LRFN2: variants seen among roughly 807,000 people sequenced by gnomAD.
The protein encoded by LRFN2 is leucine rich repeat and fibronectin type III domain containing 2, also known as leucine-rich repeat and fibronectin type-III domain-containing protein 2.
Under a neutral mutation model 37.3 loss-of-function variants are expected in LRFN2, and 18 were observed. That is an observed-to-expected ratio of 0.48 (90% CI 0.33 to 0.72). The LOEUF (loss-of-function observed/expected upper bound fraction) is 0.72. LRFN2 is among the 30% of genes least tolerant of loss of function. LRFN2 has a pLI of 0.02. For missense variants in LRFN2, 1,006 were observed against 1,060.7 expected, an observed-to-expected ratio of 0.95 and a Z score of 0.72; for synonymous variants, 556 against 466.6, an observed-to-expected ratio of 1.19 and a Z score of -2.47.
At chr6:40,491,774 C>T (rs199967017) in intron 1 of LRFN2, among the ~76,000 whole-genome samples, 1,147 of 43,126 alleles carry the variant, frequency 0.027, 15 homozygotes, top group East Asian at 0.085. Context: ...GTTTCCCTCA[C>T]TCTATTTTGC....
chr6:40,493,663 T>A (rs975194532), intron 1 of LRFN2, among the ~76,000 whole-genome samples: 7 of 152,000 alleles, frequency 4.6e-5, no homozygotes, highest in African/African-American at 1.7e-4. Flanking sequence ...TCTCTTGGAG[T>A]CTGGTTTCTG....
chr6:40,486,307 C>T (rs1581742242), intron 1 of LRFN2, among the ~76,000 whole-genome samples: 1 of 152,090 alleles, frequency 6.6e-6, no homozygotes, highest in Admixed American at 6.6e-5. Context: ...ACAACAGCCA[C>T]CCAATGAGTA....
intron 2 of LRFN2, among the ~76,000 whole-genome samples, chr6:40,420,199 T>C (rs941415933): frequency 6.6e-6 from 1 of 152,236 alleles, no homozygotes; most frequent in Non-Finnish European, 1.5e-5. Flanking sequence ...AGTGCTTGGC[T>C]GCATGGCCCT....
At chr6:40,450,205 AC>A (rs1240500809) in intron 1 of LRFN2, among the ~76,000 whole-genome samples, 2 of 152,224 alleles carry the variant, frequency 1.3e-5, no homozygotes, top group East Asian at 3.9e-4. Flanking sequence ...TCCTTGCCTC[AC>A]CTTCCCTACC....
At chr6:40,394,780 T>C (rs1581672509) in intron 2 of LRFN2, among the ~76,000 whole-genome samples, 2 of 152,204 alleles carry the variant, frequency 1.3e-5, no homozygotes, top group East Asian at 1.9e-4. Flanking sequence ...CAAGCTATTC[T>C]CATGACAGTG....
chr6:40,449,492 T>A (rs1371703404), intron 1 of LRFN2, among the ~76,000 whole-genome samples: 1 of 152,188 alleles, frequency 6.6e-6, no homozygotes, highest in Non-Finnish European at 1.5e-5. Flanking sequence ...TAGAGAAAGG[T>A]CATGCCTGTC....
intron 1 of LRFN2, among the ~76,000 whole-genome samples, chr6:40,564,666 T>C (rs1561909512): frequency 6.6e-6 from 1 of 152,168 alleles, no homozygotes; most frequent in Non-Finnish European, 1.5e-5. Flanking sequence ...CTCCAATCAG[T>C]TTTCCACAAT....
chr6:40,551,683 G>A (rs946612083), intron 1 of LRFN2, among the ~76,000 whole-genome samples: 1 of 152,232 alleles, frequency 6.6e-6, no homozygotes, highest in South Asian at 2.1e-4. Context: ...GAAAGTGGCT[G>A]TTGAGGATTG....
chr6:40,500,750 G>A (rs1409474376), intron 1 of LRFN2, among the ~76,000 whole-genome samples: 1 of 152,172 alleles, frequency 6.6e-6, no homozygotes, highest in Non-Finnish European at 1.5e-5. Flanking sequence ...CAATACTGGG[G>A]AATATTCACT....
In LRFN2 at chr6:40,431,778, C is replaced by T; in HGVS notation, c.1336G>A (p.Ala446Thr). 1 of 1,531,708 alleles carries T rather than the reference C, an allele frequency of 6.5e-7. No homozygotes were observed. Among genetic ancestry groups the T allele is most frequent in the Non-Finnish European group, 8.8e-7 (1 of 1,139,286 alleles). The allele number at this position is 1,531,708 out of a possible 1,614,324, so 94.9% of individuals were successfully genotyped here. A position where few individuals can be genotyped will look rare whatever the true frequency, so the allele number is the denominator to read the frequency against. The change falls in exon 2 of 3, where the codon GCA becomes ACA. Residue 446 changes from alanine (A) to threonine (T), a missense_variant. Coordinates refer to ENST00000338305, the MANE Select transcript of LRFN2 (RefSeq NM_020737.3). ...AGCTGGTACATCTTCACCCGGGGTG[C>T]TGACTTGCTGACAGACCACTTGACC... The part of the protein sequence containing the change: ...ALVKWSVSKS[A>T]PRVKMYQLQY...
intron 1 of LRFN2, among the ~76,000 whole-genome samples, chr6:40,540,283 G>C (rs1054005957): frequency 2.6e-5 from 4 of 152,214 alleles, no homozygotes; most frequent in African/African-American, 9.7e-5. Flanking sequence ...TGTAAATGTT[G>C]CTGATTGTGA....
At chr6:40,483,049 GAAGA>G (rs1764872652) in intron 1 of LRFN2, among the ~76,000 whole-genome samples, 1 of 152,234 alleles carries the variant, frequency 6.6e-6, no homozygotes, top group East Asian at 1.9e-4. Flanking sequence ...GGGTGGTTGA[GAAGA>G]AAGAGTCTGT....
rs546821870 is a variant in LRFN2 at position 40,392,324 on chromosome 6, C to T, written c.1989G>A (p.Leu663=). 422 of 1,610,938 alleles carry T rather than the reference C, an allele frequency of 2.6e-4. 2 individuals are homozygous for T. The Middle Eastern group carries it at 5.3e-3, about 20-fold the overall frequency. The change falls in exon 3 of 3, where the codon CTG becomes CTA. Residue 663 remains leucine (L), a synonymous_variant. Transcript: ENST00000338305. The surrounding 1 kb of genome is among the most constrained non-coding windows in gnomAD (Gnocchi z 4.7). ...CCTCCTTTCTCTGACTCTTGAGGTCCAGGGAGGCGAAGGCCCCCATCAGGC... is the reference window on the plus strand; with the variant it reads ...CCTCCTTTCTCTGACTCTTGAGGTCTAGGGAGGCGAAGGCCCCCATCAGGC... ...LDRLMGAFAS[L]DLKSQRKEEL... is the part of the protein sequence containing the mutation.
rs185600595 is a variant in LRFN2 at position 40,404,328 on chromosome 6, T to C, written c.1401-11416A>G. On this transcript the variant is annotated intron_variant, in intron 2 of 2. Transcript: ENST00000338305. ...TTTTTTTGCCTGTTTTGTTCACTGATAGTTTCCCAACACCTAGAATGATAC... is the reference window on the plus strand; with the variant it reads ...TTTTTTTGCCTGTTTTGTTCACTGACAGTTTCCCAACACCTAGAATGATAC... 5.9e-5 allele frequency among the ~76,000 whole-genome samples: 9 copies of C among 152,298 alleles called. No individual in the cohort carries two copies. The East Asian group carries it at 1.7e-3, about 29-fold the overall frequency.
intron 2 of LRFN2, among the ~76,000 whole-genome samples, chr6:40,424,505 G>C (rs1220491461): frequency 6.6e-6 from 1 of 152,074 alleles, no homozygotes; most frequent in Non-Finnish European, 1.5e-5. Flanking sequence ...TTTGAGACTA[G>C]TTTTACTATC....
At chr6:40,467,241 TC>T (rs1330273129) in intron 1 of LRFN2, among the ~76,000 whole-genome samples, 1 of 151,876 alleles carries the variant, frequency 6.6e-6, no homozygotes, top group Non-Finnish European at 1.5e-5. Context: ...TGAGGCCCTT[TC>T]CCCCTCCCAT....
At chr6:40,481,938 C>T (rs543313054) in intron 1 of LRFN2, among the ~76,000 whole-genome samples, 2 of 152,214 alleles carry the variant, frequency 1.3e-5, no homozygotes, top group Non-Finnish European at 2.9e-5. Context: ...CATATGTTCA[C>T]TCGTCTAATC....
rs115164793 is a variant in LRFN2, at chr6:40,558,651, C to T, written c.-19+28290G>A. ...TGGGGGAAGGCGAGGGCTAGACTGA[C>T]GTTAGAAACATGAAATTACTGTCTT... On this transcript the variant is annotated intron_variant, in intron 1 of 2. Coordinates refer to ENST00000338305, the MANE Select transcript of LRFN2 (RefSeq NM_020737.3). 2.0e-3 allele frequency among the ~76,000 whole-genome samples: 297 copies of T among 152,282 alleles called. 1 individual carries two copies. Among genetic ancestry groups the T allele is most frequent in the Middle Eastern group, 3.4e-3 (1 of 294 alleles).
At chr6:40,446,985 C>T (rs1194962714) in intron 1 of LRFN2, among the ~76,000 whole-genome samples, 1 of 150,984 alleles carries the variant, frequency 6.6e-6, no homozygotes, top group Non-Finnish European at 1.5e-5. Flanking sequence ...GGCTGCATCT[C>T]CCCTCAGACT....
Sources: allele counts gnomAD v4.1 joint callset (sites outside exome capture counted in the v4.1 genomes callset), GRCh38; gene constraint gnomAD v4.1.1; non-coding constraint Gnocchi (gnomAD v3.1); transcripts MANE v1.5; gene names NCBI Gene and HGNC (gene_info 2026-07-23, HGNC 2026-07-21).